LRFN2: variants seen among roughly 807,000 people sequenced by gnomAD.
LRFN2 encodes the protein leucine rich repeat and fibronectin type III domain containing 2, also known as leucine-rich repeat and fibronectin type-III domain-containing protein 2.
Under a neutral mutation model 37.3 loss-of-function variants are expected in LRFN2, and 18 were observed. The observed-to-expected ratio is 0.48, with a 90% CI of 0.33 to 0.72. The LOEUF is 0.72. Among genes scored for constraint, LRFN2 ranks in the 30% least tolerant of loss-of-function variants. The probability of loss-of-function intolerance (pLI) is 0.02; values close to 1 mark genes in which losing one functional copy is unlikely to be tolerated. For synonymous variants in LRFN2, 556 were observed against 466.6 expected, an observed-to-expected ratio of 1.19 and a Z score of -2.47; for missense variants, 1,006 against 1,060.7, an observed-to-expected ratio of 0.95 and a Z score of 0.72.
Position 40,440,319 on chromosome 6 carries a change from T to C in LRFN2, c.-18-7188A>G, listed in dbSNP as rs539726723. ...GTATTAGCACGTCCGTGATAGCTTT[T>C]ATTGTGTTGCAACACAATTATGTGT... is the stretch of plus-strand genomic sequence containing the variant. On this transcript the variant is annotated intron_variant, in intron 1 of 2. Transcript: ENST00000338305. Among the ~76,000 whole-genome samples the C allele has an allele frequency of 2.0e-5, 3 of 152,324 alleles. No homozygotes were observed. In the South Asian group the frequency reaches 6.2e-4, roughly 32 times the overall value.
intron 1 of LRFN2, among the ~76,000 whole-genome samples, chr6:40,533,179 TG>T (rs1300179629): frequency 4.6e-5 from 7 of 152,330 alleles, no homozygotes; most frequent in Non-Finnish European, 1.5e-5. Flanking sequence ...TCTGTCTCTC[TG>T]TCTCTCTTTC....
intron 1 of LRFN2, among the ~76,000 whole-genome samples, chr6:40,570,440 C>A (rs1767166712): frequency 6.6e-6 from 1 of 152,206 alleles, no homozygotes; most frequent in Non-Finnish European, 1.5e-5. Context: ...GATAAAGCAA[C>A]TTCCCCAGAG....
intron 1 of LRFN2, among the ~76,000 whole-genome samples, chr6:40,568,364 T>C (rs889245969): frequency 1.2e-4 from 19 of 152,268 alleles, no homozygotes; most frequent in African/African-American, 4.3e-4. Context: ...GTGTCTAAGA[T>C]GGTATATTGG....
chr6:40,527,548 C>T (rs1168618251), intron 1 of LRFN2, among the ~76,000 whole-genome samples: 1 of 152,168 alleles, frequency 6.6e-6, no homozygotes, highest in African/African-American at 2.4e-5. Flanking sequence ...AGGAAGAGAC[C>T]TGGAGCCACT....
intron 2 of LRFN2, among the ~76,000 whole-genome samples, chr6:40,409,928 C>T (rs548985510): frequency 1.3e-5 from 2 of 152,308 alleles, no homozygotes; most frequent in East Asian, 3.9e-4. Context: ...CCCTTTCCAC[C>T]CAGCAGTCAG....
At chr6:40,435,008 G>T (rs1490481905) in intron 1 of LRFN2, among the ~76,000 whole-genome samples, 1 of 77,930 alleles carries the variant, frequency 1.3e-5, no homozygotes, top group Non-Finnish European at 2.5e-5. Context: ...TTGAGCAATG[G>T]TTTTACATAT....
chr6:40,542,684 A>C (rs1399581906), intron 1 of LRFN2, among the ~76,000 whole-genome samples: 4 of 152,004 alleles, frequency 2.6e-5, no homozygotes, highest in East Asian at 1.9e-4. Flanking sequence ...CTGCTCCCCA[A>C]CTCTGACCAG....
At chr6:40,557,809 A>G (rs1478945354) in intron 1 of LRFN2, among the ~76,000 whole-genome samples, 1 of 152,192 alleles carries the variant, frequency 6.6e-6, no homozygotes. Flanking sequence ...AGATCCTTGC[A>G]AAGTTTAAGT....
intron 1 of LRFN2, among the ~76,000 whole-genome samples, chr6:40,486,405 G>A (rs774657493): frequency 6.6e-6 from 1 of 152,170 alleles, no homozygotes; most frequent in Non-Finnish European, 1.5e-5. Context: ...AACAAAAGGC[G>A]GGACCCCTGA....
intron 2 of LRFN2, among the ~76,000 whole-genome samples, chr6:40,424,742 A>T (rs987199425): frequency 1.9e-4 from 29 of 151,996 alleles, no homozygotes; most frequent in African/African-American, 7.0e-4. Flanking sequence ...GAGAATCCAG[A>T]CCCTCTTGGG....
chr6:40,421,532 C>G (rs1763229021), intron 2 of LRFN2, among the ~76,000 whole-genome samples: 1 of 152,140 alleles, frequency 6.6e-6, no homozygotes, highest in Non-Finnish European at 1.5e-5. Flanking sequence ...AAAGGAGTGT[C>G]TGGGTAACAA....
At chr6:40,408,472 T>C (rs1199181441) in intron 2 of LRFN2, among the ~76,000 whole-genome samples, 1 of 152,140 alleles carries the variant, frequency 6.6e-6, no homozygotes, top group African/African-American at 2.4e-5. Context: ...GGCCATCTGA[T>C]GCTATTCTAC....
At chr6:40,500,116 C>G (rs2113875568) in intron 1 of LRFN2, among the ~76,000 whole-genome samples, 1 of 152,382 alleles carries the variant, frequency 6.6e-6, no homozygotes, top group South Asian at 2.1e-4. Flanking sequence ...ACAGCAATGC[C>G]TGGGTCCTGG....
chr6:40,520,701 G>A (rs1338521721), intron 1 of LRFN2, among the ~76,000 whole-genome samples: 2 of 152,136 alleles, frequency 1.3e-5, no homozygotes, highest in Non-Finnish European at 1.5e-5. Context: ...CTGGAGGCTG[G>A]TGCAGGCTGC....
chr6:40,429,147 G>A (rs934896506), intron 2 of LRFN2, among the ~76,000 whole-genome samples: 10 of 152,162 alleles, frequency 6.6e-5, no homozygotes, highest in African/African-American at 2.4e-4. Flanking sequence ...GTTTTCTGAT[G>A]TTTCCATTTA....
rs140780305 is a variant in LRFN2, at chr6:40,552,015, G to A, written c.-19+34926C>T. Reference sequence around the variant, plus strand: ...AAAAATCCATTTATACAAAATCCTCGTGTGTTATACAAGTTATACAAGGTG... The same window carrying A: ...AAAAATCCATTTATACAAAATCCTCATGTGTTATACAAGTTATACAAGGTG... On this transcript the variant is annotated intron_variant, in intron 1 of 2. Transcript: ENST00000338305. 7.2e-5 allele frequency among the ~76,000 whole-genome samples: 11 copies of A among 152,170 alleles called. No individual in the cohort carries two copies. The East Asian group carries it at 1.9e-3, about 27-fold the overall frequency.
chr6:40,393,011 G>T, intron 2 of LRFN2, 99 bp from the exon 3 acceptor site: 1 of 966,932 alleles, frequency 1.0e-6, no homozygotes, highest in Admixed American at 2.5e-5. Flanking sequence ...CAGAGATGGG[G>T]AGGGGGAGGG....
intron 1 of LRFN2, among the ~76,000 whole-genome samples, chr6:40,444,562 C>T (rs759956229): frequency 2.0e-5 from 3 of 152,180 alleles, no homozygotes; most frequent in Non-Finnish European, 4.4e-5. Flanking sequence ...AGTATCCTGA[C>T]TCTCACTTAC....
chr6:40,401,522 G>A (rs1256787811), intron 2 of LRFN2, among the ~76,000 whole-genome samples: 1 of 152,182 alleles, frequency 6.6e-6, no homozygotes, highest in African/African-American at 2.4e-5. Context: ...TTAGGAAAGT[G>A]AGAAATCAAA....
Sources: gnomAD v4.1 joint callset for allele counts (sites outside exome capture counted in the v4.1 genomes callset) on GRCh38, gnomAD v4.1.1 for gene constraint, MANE v1.5 for transcripts, NCBI Gene and HGNC (gene_info 2026-07-23, HGNC 2026-07-21) for gene names.